PCDH9: variants seen among roughly 807,000 people sequenced by gnomAD.
PCDH9 encodes the protein protocadherin-9.
PCDH9 carries 24 observed loss-of-function variants against 70.6 expected under a neutral mutation model. That is an observed-to-expected ratio of 0.34 (90% CI 0.25 to 0.48). The LOEUF (loss-of-function observed/expected upper bound fraction) is 0.48. PCDH9 is among the 20% of genes least tolerant of loss of function. The probability of loss-of-function intolerance (pLI) is 0.99; values close to 1 mark genes in which losing one functional copy is unlikely to be tolerated. For missense variants in PCDH9, 1,281 were observed against 1,503.6 expected, an observed-to-expected ratio of 0.85 and a Z score of 2.45; for synonymous variants, 562 against 558.5, an observed-to-expected ratio of 1.01 and a Z score of -0.09.
At chr13:66,344,653 T>C (rs1222913776) in intron 4 of PCDH9, among the ~76,000 whole-genome samples, 1 of 152,196 alleles carries the variant, frequency 6.6e-6, no homozygotes, top group East Asian at 1.9e-4. Flanking sequence ...GGGGTAAAAT[T>C]AATTTTAGAG....
At chr13:66,869,241 A>G (rs1430703244) in intron 3 of PCDH9, among the ~76,000 whole-genome samples, 2 of 152,166 alleles carry the variant, frequency 1.3e-5, no homozygotes, top group Admixed American at 1.3e-4. Flanking sequence ...TTTAACAATT[A>G]ACAGTAGTAG....
intron 2 of PCDH9, among the ~76,000 whole-genome samples, chr13:67,081,061 G>A (rs2085972919): frequency 6.6e-6 from 1 of 152,018 alleles, no homozygotes; most frequent in African/African-American, 2.4e-5. Context: ...GATGGTATAA[G>A]AACTTTCCAA....
Position 66,920,349 on chromosome 13 carries a change from C to A in PCDH9, c.3037-16744G>T, listed in dbSNP as rs1365319724. Among the ~76,000 whole-genome samples the A allele has an allele frequency of 2.6e-5, 4 of 151,030 alleles. No homozygotes were observed. The South Asian group carries it at 6.2e-4, about 23-fold the overall frequency. On this transcript the variant is annotated intron_variant, in intron 2 of 4. Transcript: ENST00000377865. Reference sequence around the variant, plus strand: ...TTCTGACTGTCACTAAACCTCAGGACCCTTATCACAACTTTCTGAAAATTC... The same window carrying A: ...TTCTGACTGTCACTAAACCTCAGGAACCTTATCACAACTTTCTGAAAATTC...
intron 4 of PCDH9, among the ~76,000 whole-genome samples, chr13:66,589,039 ACC>A (rs1043557224): frequency 1.3e-5 from 2 of 152,110 alleles, no homozygotes; most frequent in Non-Finnish European, 2.9e-5. Context: ...GTTCCCTTTT[ACC>A]TAAGCCAAAA....
chr13:66,884,576 T>C (rs1252784413), intron 3 of PCDH9, among the ~76,000 whole-genome samples: 1 of 152,138 alleles, frequency 6.6e-6, no homozygotes, highest in Non-Finnish European at 1.5e-5. Context: ...AGAAAAGGAT[T>C]CCAAAGCAAG....
chr13:67,044,385 T>C (rs1011001730), intron 2 of PCDH9, among the ~76,000 whole-genome samples: 1 of 152,174 alleles, frequency 6.6e-6, no homozygotes, highest in East Asian at 1.9e-4. Flanking sequence ...TGTATGGTTA[T>C]CAAAATGATA....
At chr13:66,903,632 A>G in intron 2 of PCDH9, 27 bp from the exon 3 acceptor site, 2 of 947,740 alleles carry the variant, frequency 2.1e-6, no homozygotes, top group Non-Finnish European at 3.4e-6. Flanking sequence ...AATAATTGTG[A>G]CAAACTACTC....
intron 4 of PCDH9, among the ~76,000 whole-genome samples, chr13:66,320,290 C>T (rs944923588): frequency 6.6e-6 from 1 of 151,930 alleles, no homozygotes; most frequent in Non-Finnish European, 1.5e-5. Flanking sequence ...TAAGTAATTC[C>T]TTTTTTAAGT....
chr13:67,118,880 G>A (rs2086827272), intron 2 of PCDH9, among the ~76,000 whole-genome samples: 2 of 152,126 alleles, frequency 1.3e-5, no homozygotes, highest in South Asian at 4.1e-4. Flanking sequence ...GCATCCAAAT[G>A]TAGAACAAGT....
intron 2 of PCDH9, among the ~76,000 whole-genome samples, chr13:67,031,683 C>G (rs1382756117): frequency 6.6e-6 from 1 of 152,066 alleles, no homozygotes; most frequent in Admixed American, 6.6e-5. Flanking sequence ...GACTCCATCT[C>G]AAATAATAAA....
At chr13:66,342,589 C>G (rs1340061945) in intron 4 of PCDH9, among the ~76,000 whole-genome samples, 2 of 151,894 alleles carry the variant, frequency 1.3e-5, no homozygotes, top group African/African-American at 4.8e-5. Flanking sequence ...GGATGCAAAC[C>G]CTTTCAGTCT....
At chr13:67,030,974 A>C (rs1019115757) in intron 2 of PCDH9, among the ~76,000 whole-genome samples, 24 of 152,320 alleles carry the variant, frequency 1.6e-4, no homozygotes, top group African/African-American at 5.1e-4. Flanking sequence ...CTAGCCCTAT[A>C]ACTATATGCT....
At chr13:67,153,363 G>T (rs1286931050) in intron 2 of PCDH9, among the ~76,000 whole-genome samples, 1 of 151,860 alleles carries the variant, frequency 6.6e-6, no homozygotes, top group Non-Finnish European at 1.5e-5. Context: ...AGATATGGTG[G>T]TCTCCCTATG....
At chr13:66,769,926 A>T (rs1443891694) in intron 3 of PCDH9, among the ~76,000 whole-genome samples, 1 of 152,184 alleles carries the variant, frequency 6.6e-6, no homozygotes, top group African/African-American at 2.4e-5. Context: ...GCAGGAGGGG[A>T]TAATTTCTTT....
At chr13:66,330,778 T>C (rs1593809258) in intron 4 of PCDH9, among the ~76,000 whole-genome samples, 1 of 152,314 alleles carries the variant, frequency 6.6e-6, no homozygotes, top group Admixed American at 6.5e-5. Flanking sequence ...ATAAAACAAA[T>C]GCCTGCAGTA....
At chr13:66,843,699 C>T (rs2081154810) in intron 3 of PCDH9, among the ~76,000 whole-genome samples, 1 of 152,206 alleles carries the variant, frequency 6.6e-6, no homozygotes. Flanking sequence ...TGTGTACACT[C>T]TGGAGAAGAC....
At chr13:66,745,155 A>G (rs901449082) in intron 3 of PCDH9, among the ~76,000 whole-genome samples, 1 of 152,200 alleles carries the variant, frequency 6.6e-6, no homozygotes, top group Non-Finnish European at 1.5e-5. Context: ...GATCTTTGGC[A>G]ATTAGAGAAA....
At chr13:66,546,301 G>A (rs1380751441) in intron 4 of PCDH9, among the ~76,000 whole-genome samples, 1 of 152,036 alleles carries the variant, frequency 6.6e-6, no homozygotes, top group Non-Finnish European at 1.5e-5. Context: ...CCTTCCAATG[G>A]GACAAGATGT....
intron 3 of PCDH9, among the ~76,000 whole-genome samples, chr13:66,788,512 G>A (rs191469898): frequency 3.3e-5 from 5 of 152,106 alleles, no homozygotes; most frequent in East Asian, 1.9e-4. Context: ...TTATCGTGAC[G>A]TCCAGCATGC....
Sources: gnomAD v4.1 joint callset for allele counts (sites outside exome capture counted in the v4.1 genomes callset) on GRCh38, gnomAD v4.1.1 for gene constraint, MANE v1.5 for transcripts, NCBI Gene and HGNC (gene_info 2026-07-23, HGNC 2026-07-21) for gene names.